Variants in SUGCT observed in about 807,000 individuals in gnomAD.
SUGCT encodes the protein succinyl-CoA:glutarate CoA-transferase.
SUGCT carries 41 observed loss-of-function variants against 55.0 expected under a neutral mutation model. The ratio of observed to expected loss-of-function variants is 0.74; its 90% CI spans 0.58 to 0.97. The LOEUF is 0.97. Among genes scored for constraint, SUGCT ranks in the 50% least tolerant of loss-of-function variants. The pLI, the probability that SUGCT is intolerant of heterozygous loss-of-function variation, is 0.00. For synonymous variants in SUGCT, 187 were observed against 200.4 expected (o/e 0.93, Z 0.56); for missense variants, 568 against 547.8 (o/e 1.04, Z -0.37).
intron 12 of SUGCT, among the ~76,000 whole-genome samples, chr7:40,510,148 T>C (rs1218425523): frequency 6.6e-6 from 1 of 152,066 alleles, no homozygotes; most frequent in Non-Finnish European, 1.5e-5. Flanking sequence ...ACATTATTTA[T>C]TATATTGATT....
chr7:40,952,272 C>T, the SUGCT span, among the ~76,000 whole-genome samples: 9 of 152,258 alleles, frequency 5.9e-5, no homozygotes, highest in African/African-American at 1.7e-4. Flanking sequence ...ACTAGGAATG[C>T]AACCCCTGCC....
At chr7:40,363,983 T>C (rs992238152) in intron 9 of SUGCT, among the ~76,000 whole-genome samples, 1 of 152,178 alleles carries the variant, frequency 6.6e-6, no homozygotes, top group Admixed American at 6.5e-5. Flanking sequence ...ACTTGCTTTA[T>C]GAATCTGGGT....
chr7:40,854,444 C>CTT (rs1563050755), intron 13 of SUGCT, among the ~76,000 whole-genome samples: 1 of 142,282 alleles, frequency 7.0e-6, no homozygotes, highest in African/African-American at 2.7e-5. Flanking sequence ...TTCTTTCTTT[C>CTT]TTTCTTTCTT....
At chr7:41,026,762 G>A in the SUGCT span, among the ~76,000 whole-genome samples, 3 of 152,166 alleles carry the variant, frequency 2.0e-5, no homozygotes, top group Non-Finnish European at 4.4e-5. Flanking sequence ...GGCTGTGTGC[G>A]GTGGCTCATG....
intron 9 of SUGCT, among the ~76,000 whole-genome samples, chr7:40,395,161 C>T (rs966982877): frequency 2.0e-5 from 3 of 152,068 alleles, no homozygotes; most frequent in African/African-American, 4.8e-5. Context: ...GTCCTGAACT[C>T]GCAGGATAGG....
At chr7:40,271,977 C>CAGTGACAT (rs1792049322) in intron 7 of SUGCT, among the ~76,000 whole-genome samples, 1 of 151,110 alleles carries the variant, frequency 6.6e-6, no homozygotes, top group African/African-American at 2.4e-5. Flanking sequence ...TAATGTCCTC[C>CAGTGACAT]AGTGACATCC....
At chr7:40,407,960 T>C (rs996091647) in intron 9 of SUGCT, among the ~76,000 whole-genome samples, 1 of 152,154 alleles carries the variant, frequency 6.6e-6, no homozygotes, top group Admixed American at 6.5e-5. Flanking sequence ...GAAAGGATAT[T>C]AATGGTTTAT....
intron 7 of SUGCT, among the ~76,000 whole-genome samples, chr7:40,263,693 T>C (rs145486750): frequency 7.2e-5 from 11 of 152,310 alleles, no homozygotes; most frequent in Non-Finnish European, 1.5e-4. Flanking sequence ...TAGTATAGTA[T>C]TACAAAGACA....
intron 12 of SUGCT, among the ~76,000 whole-genome samples, chr7:40,513,034 G>A (rs1431826146): frequency 1.3e-5 from 2 of 152,140 alleles, no homozygotes; most frequent in South Asian, 2.1e-4. Context: ...AGCATGATCC[G>A]GGATGTAGAT....
intron 6 of SUGCT, among the ~76,000 whole-genome samples, chr7:40,233,282 C>T (rs573156061): frequency 5.9e-5 from 9 of 152,050 alleles, no homozygotes; most frequent in East Asian, 3.9e-4. Context: ...TGCAATGGCA[C>T]GATCTCAGCT....
At chr7:40,916,199 TTTC>T in the SUGCT span, among the ~76,000 whole-genome samples, 5 of 152,288 alleles carry the variant, frequency 3.3e-5, no homozygotes, top group East Asian at 3.9e-4. Flanking sequence ...CCATCACCTG[TTTC>T]TTCTTCTTTC....
intron 12 of SUGCT, among the ~76,000 whole-genome samples, chr7:40,704,294 C>T (rs145916206): frequency 6.6e-6 from 1 of 152,172 alleles, no homozygotes; most frequent in Non-Finnish European, 1.5e-5. Context: ...GGATATCTAC[C>T]CACAAGGATT....
intron 7 of SUGCT, among the ~76,000 whole-genome samples, chr7:40,243,659 G>A (rs1251825827): frequency 6.6e-6 from 1 of 152,018 alleles, no homozygotes; most frequent in East Asian, 1.9e-4. Flanking sequence ...TTCTTTGCAA[G>A]CAGCTGAGAG....
chr7:40,558,005 T>A (rs1337562138), intron 12 of SUGCT, among the ~76,000 whole-genome samples: 2 of 151,428 alleles, frequency 1.3e-5, no homozygotes, highest in Non-Finnish European at 2.9e-5. Flanking sequence ...AATAAGCAGA[T>A]GAAAAGATGC....
At chr7:40,689,607 C>G (rs568296786) in intron 12 of SUGCT, among the ~76,000 whole-genome samples, 1 of 152,154 alleles carries the variant, frequency 6.6e-6, no homozygotes, top group Non-Finnish European at 1.5e-5. Context: ...ATATAGCCAA[C>G]ACAGAAAATC....
chr7:40,279,576 A>C (rs1296925412), intron 8 of SUGCT, among the ~76,000 whole-genome samples: 1 of 152,208 alleles, frequency 6.6e-6, no homozygotes, highest in Non-Finnish European at 1.5e-5. Flanking sequence ...TGACAACATT[A>C]ATTTTATTAG....
At chr7:41,024,130 T>A in the SUGCT span, among the ~76,000 whole-genome samples, 1 of 152,242 alleles carries the variant, frequency 6.6e-6, no homozygotes, top group African/African-American at 2.4e-5. Context: ...TCAATGATTT[T>A]GTGGAAACTT....
intron 9 of SUGCT, among the ~76,000 whole-genome samples, chr7:40,334,490 C>T (rs1796561143): frequency 6.6e-6 from 1 of 152,218 alleles, no homozygotes; most frequent in East Asian, 1.9e-4. Flanking sequence ...ATTTGCATTT[C>T]TCTGATGGCC....
In SUGCT at chr7:40,277,523, T is replaced by A. The variant is rs147819730; in HGVS notation, c.720+2867T>A. On this transcript the variant is annotated intron_variant, in intron 8 of 13. Coordinates refer to ENST00000335693, the MANE Select transcript of SUGCT (RefSeq NM_001193313.2). ...TGTGCTGAGCAAGAGTTCTGTTTCT[T>A]TATTCATAAATTCTATTAGGTGATG... 1.4e-3 allele frequency among the ~76,000 whole-genome samples: 216 copies of A among 152,126 alleles called. 3 individuals are homozygous for A. Among genetic ancestry groups the A allele is most frequent in the African/African-American group, 4.9e-3 (203 of 41,532 alleles).
Sources: gnomAD v4.1 joint callset for allele counts (sites outside exome capture counted in the v4.1 genomes callset) on GRCh38, gnomAD v4.1.1 for gene constraint, MANE v1.5 for transcripts, NCBI Gene and HGNC (gene_info 2026-07-23, HGNC 2026-07-21) for gene names.